The following FAM124B variants were observed in gnomAD, a reference collection of about 807,000 sequenced individuals.
FAM124B encodes protein FAM124B.
Under a neutral mutation model 19.7 loss-of-function variants are expected in FAM124B, and 18 were observed. The ratio of observed to expected loss-of-function variants is 0.92; its 90% CI spans 0.63 to 1.36. The LOEUF (loss-of-function observed/expected upper bound fraction) is 1.36, where lower values mean the gene tolerates loss of function less well. FAM124B is among the 40% of genes most tolerant of loss of function. FAM124B has a pLI of 0.00. For synonymous variants in FAM124B, 223 were observed against 225.2 expected (o/e 0.99, Z 0.09); for missense variants, 540 against 553.3 (o/e 0.98, Z 0.24).
intron 1 of FAM124B, among the ~76,000 whole-genome samples, chr2:224,391,459 G>A (rs1387104487): frequency 3.3e-5 from 5 of 152,040 alleles, no homozygotes; most frequent in South Asian, 2.1e-4. Flanking sequence ...GATATGAAAC[G>A]GAAAGTGCCA....
intron 1 of FAM124B, chr2:224,399,737 C>T (rs556629842): frequency 1.6e-4 from 25 of 152,246 alleles, no homozygotes; most frequent in Non-Finnish European, 3.7e-4. Flanking sequence ...ATAGTAACTT[C>T]ATAGGTTGTT....
chr2:224,379,957 CAT>C lies in FAM124B; in HGVS notation c.982_983del (p.Met328GlyfsTer12). The C allele has an allele frequency of 6.4e-7, 1 of 1,551,770 alleles. No individual in the cohort carries two copies. Among genetic ancestry groups the C allele is most frequent in the Non-Finnish European group, 8.7e-7 (1 of 1,147,010 alleles). On this transcript the variant is annotated frameshift_variant, in exon 2 of 2. Coordinates refer to ENST00000409685, the MANE Select transcript of FAM124B (RefSeq NM_001122779.2). LOFTEE classifies it low-confidence loss of function (END_TRUNC). ...GAGAAGACAGGTGCAGGTGGGCACC[CAT>C]AGCTGGGCTGCTGACCTGGAATGAC... ...GRSFQVSSPA[M>X]GAHLHLSSHH... is the part of the protein sequence containing the mutation.
chr2:224,390,615 G>A (rs943959316), intron 1 of FAM124B, among the ~76,000 whole-genome samples: 4 of 151,884 alleles, frequency 2.6e-5, no homozygotes, highest in Non-Finnish European at 4.4e-5. Flanking sequence ...TCCCACCAGC[G>A]GGCGTGAACA....
At chr2:224,392,982 T>C (rs910599195) in intron 1 of FAM124B, among the ~76,000 whole-genome samples, 2 of 152,236 alleles carry the variant, frequency 1.3e-5, no homozygotes, top group African/African-American at 4.8e-5. Flanking sequence ...TAATGCTCAG[T>C]AGCCACATGT....
intron 1 of FAM124B, among the ~76,000 whole-genome samples, chr2:224,390,154 C>T (rs1323475526): frequency 6.9e-6 from 1 of 145,392 alleles, no homozygotes; most frequent in African/African-American, 2.6e-5. Context: ...CACACACACA[C>T]ACACAGAAAA....
intron 1 of FAM124B, among the ~76,000 whole-genome samples, chr2:224,397,533 T>C (rs529988319): frequency 5.1e-4 from 77 of 152,008 alleles, no homozygotes; most frequent in Non-Finnish European, 6.6e-4. Context: ...CAGGCAGAGG[T>C]TGGAACAGTC....
At chr2:224,383,347 G>A (rs367854604) in intron 1 of FAM124B, among the ~76,000 whole-genome samples, 1 of 151,952 alleles carries the variant, frequency 6.6e-6, no homozygotes, top group African/African-American at 2.4e-5. Flanking sequence ...ACATACACCC[G>A]ACCTCCTCCT....
intron 1 of FAM124B, among the ~76,000 whole-genome samples, chr2:224,388,710 T>C (rs1042650605): frequency 5.3e-5 from 8 of 152,242 alleles, no homozygotes; most frequent in African/African-American, 1.9e-4. Context: ...ATAGTTAAGA[T>C]GGTAAATGTA....
At chr2:224,382,086 A>G (rs1379939520) in intron 1 of FAM124B, among the ~76,000 whole-genome samples, 1 of 152,172 alleles carries the variant, frequency 6.6e-6, no homozygotes, top group Non-Finnish European at 1.5e-5. Flanking sequence ...ACAAACACAC[A>G]AAAAAACAAG....
chr2:224,393,158 C>G (rs1243814254), intron 1 of FAM124B, among the ~76,000 whole-genome samples: 2 of 152,200 alleles, frequency 1.3e-5, no homozygotes, highest in Non-Finnish European at 2.9e-5. Flanking sequence ...ACATGACTTT[C>G]TCCCACATGG....
rs1320871188 is a variant in FAM124B, at chr2:224,401,927, C to T, written c.-159G>A. ...GAGCTCTTAACCAGACTAACACGTG[C>T]TCCTGGCCACCCGTGGACTTACGGC... On this transcript the variant is annotated 5_prime_UTR_variant, in exon 1 of 2. Coordinates refer to ENST00000409685, the MANE Select transcript of FAM124B (RefSeq NM_001122779.2). 6.2e-6 allele frequency: 5 copies of T among 807,504 alleles called. No homozygotes were observed. Among genetic ancestry groups the T allele is most frequent in the Non-Finnish European group, 9.5e-6 (5 of 524,794 alleles). The allele number at this position is 807,504 out of a possible 1,614,324, so 50.0% of individuals were successfully genotyped here. A position where few individuals can be genotyped will look rare whatever the true frequency, so the allele number is the denominator to read the frequency against.
intron 1 of FAM124B, among the ~76,000 whole-genome samples, chr2:224,381,884 T>C (rs1222080311): frequency 6.6e-6 from 1 of 152,068 alleles, no homozygotes; most frequent in Non-Finnish European, 1.5e-5. Flanking sequence ...AAAATAATGA[T>C]ACATATTTAT....
chr2:224,398,270 G>T (rs544222557), intron 1 of FAM124B, among the ~76,000 whole-genome samples: 17 of 152,202 alleles, frequency 1.1e-4, no homozygotes, highest in African/African-American at 3.9e-4. Flanking sequence ...GCTAGTTTTT[G>T]TATTTTCAGT....
At chr2:224,385,848 C>T (rs78982886) in intron 1 of FAM124B, among the ~76,000 whole-genome samples, 6,207 of 152,262 alleles carry the variant, frequency 0.041, 393 homozygotes, top group African/African-American at 0.13. Flanking sequence ...AGATCGCTGA[C>T]ATTCCACTCT....
chr2:224,380,186 C>A lies in FAM124B; in HGVS notation c.755G>T (p.Gly252Val). Reference sequence around the variant, plus strand: ...AGCTCCCAAGATGCCATTCTTAACACCAAGTTCTGGATTCAGCTGAACCTA... The same window carrying A: ...AGCTCCCAAGATGCCATTCTTAACAACAAGTTCTGGATTCAGCTGAACCTA... Reference protein sequence around the residue: ...LLQVQLNPELGVKNGILGAGM... With the variant: ...LLQVQLNPELVVKNGILGAGM... Residue 252 changes from glycine (G) to valine (V), a missense_variant, in exon 2 of 2, where the codon GGT (glycine) becomes GTT (valine). Physicochemically the swap from Gly to Val is moderately radical, Grantham distance 109. Coordinates refer to ENST00000409685, the MANE Select transcript of FAM124B (RefSeq NM_001122779.2). 6.5e-7 allele frequency: 1 copy of A among 1,548,360 alleles called. No individual in the cohort carries two copies. Among genetic ancestry groups the A allele is most frequent in the South Asian group, 1.2e-5 (1 of 83,844 alleles).
At chr2:224,394,663 C>T (rs745969799) in intron 1 of FAM124B, among the ~76,000 whole-genome samples, 52 of 152,236 alleles carry the variant, frequency 3.4e-4, no homozygotes, top group Non-Finnish European at 5.7e-4. Context: ...TCTTCAAATC[C>T]CATTTTGTGT....
At chr2:224,392,754 C>CA (rs1397211946) in intron 1 of FAM124B, among the ~76,000 whole-genome samples, 2,653 of 130,824 alleles carry the variant, frequency 0.02, 80 homozygotes, top group African/African-American at 0.065. Flanking sequence ...GACTCTGTCT[C>CA]AAAAAAAAAA....
At position 224,401,607 on chromosome 2, in the gene FAM124B, A is replaced by G. The variant is rs1375127119; in HGVS notation, c.162T>C (p.Cys54=). 1 of 1,614,134 alleles carries G rather than the reference A, an allele frequency of 6.2e-7. No homozygotes were observed. Among genetic ancestry groups the G allele is most frequent in the South Asian group, 1.1e-5 (1 of 91,080 alleles). ...GGGACCGCTTGGAATGGGACTTTTCACAGTATTTCACAGGACTGGCCCGTT... is the reference window on the plus strand; with the variant it reads ...GGGACCGCTTGGAATGGGACTTTTCGCAGTATTTCACAGGACTGGCCCGTT... ...VSERASPVKY[C]EKSHSKRSRF... The change falls in exon 1 of 2, where the codon TGT becomes TGC. Residue 54 remains cysteine (C), a synonymous_variant. Transcript: ENST00000409685.
At chr2:224,395,759 A>G (rs1689958683) in intron 1 of FAM124B, among the ~76,000 whole-genome samples, 1 of 152,110 alleles carries the variant, frequency 6.6e-6, no homozygotes, top group Non-Finnish European at 1.5e-5. Context: ...CCCATTCTAG[A>G]CTCTGAGAGG....
Sources: gnomAD v4.1 joint callset for allele counts (sites outside exome capture counted in the v4.1 genomes callset) on GRCh38, gnomAD v4.1.1 for gene constraint, MANE v1.5 for transcripts, NCBI Gene and HGNC (gene_info 2026-07-23, HGNC 2026-07-21) for gene names.